GIMAP8: variants seen among roughly 807,000 people sequenced by gnomAD.
GIMAP8 encodes the protein GTPase IMAP family member 8.
A neutral mutation model predicts 35.6 loss-of-function variants in GIMAP8; 29 were observed. That is an observed-to-expected ratio of 0.81 (90% confidence interval 0.61 to 1.11). The LOEUF (loss-of-function observed/expected upper bound fraction) is 1.11. Ranked by LOEUF, GIMAP8 falls within the 50% of genes most tolerant of loss-of-function variation. The pLI is 0.00. For missense variants in GIMAP8, 811 were observed against 805.0 expected (o/e 1.01, Z -0.09); for synonymous variants, 335 against 308.7 (o/e 1.09, Z -0.89).
chr7:150,474,380 T>A lies in GIMAP8; in HGVS notation c.1051T>A (p.Phe351Ile). 6.2e-7 allele frequency: 1 copy of A among 1,614,020 alleles called. No homozygotes were observed. Among genetic ancestry groups the A allele is most frequent in the Non-Finnish European group, 8.5e-7 (1 of 1,180,010 alleles). The change falls in exon 4 of 5, where the codon TTT (phenylalanine) becomes ATT (isoleucine). Residue 351 changes from phenylalanine to isoleucine, a missense_variant. By Grantham distance (21) the Phe-to-Ile change is conservative. Coordinates refer to ENST00000307271, the MANE Select transcript of GIMAP8 (RefSeq NM_175571.4). ...AGTGCTGAGCACCATCCAAAACAAT[T>A]TTGGAGAAAAATTCTTTGAGTACAT... ...EAVLSTIQNN[F>I]GEKFFEYMII...
chr7:150,473,876 G>A (rs1563287053), intron 3 of GIMAP8, 136 bp from the exon 4 acceptor site: 1 of 856,010 alleles, frequency 1.2e-6, no homozygotes, highest in Non-Finnish European at 1.8e-6. Flanking sequence ...GCTTCTGGCT[G>A]AGAGTAGAGT....
chr7:150,455,488 G>A (rs536327657), intron 1 of GIMAP8, among the ~76,000 whole-genome samples: 2 of 152,292 alleles, frequency 1.3e-5, no homozygotes, highest in African/African-American at 4.8e-5. Context: ...AAGTCCAATG[G>A]ACAAAACAGA....
At chr7:150,456,613 T>G (rs565256678) in intron 1 of GIMAP8, among the ~76,000 whole-genome samples, 1 of 152,198 alleles carries the variant, frequency 6.6e-6, no homozygotes, top group Non-Finnish European at 1.5e-5. Context: ...CCTTTTACCA[T>G]GTAAAGTAAC....
chr7:150,453,465 C>T (rs181210942), intron 1 of GIMAP8, among the ~76,000 whole-genome samples: 2 of 152,360 alleles, frequency 1.3e-5, no homozygotes, highest in African/African-American at 4.8e-5. Context: ...TTTACTACCT[C>T]CCTGGGTCAT....
Position 150,477,388 on chromosome 7 carries a change from C to G in GIMAP8, c.1606C>G (p.Arg536Gly). Residue 536 changes from arginine (R) to glycine (G), a missense_variant, in exon 5 of 5, where the codon CGA becomes GGA. Physicochemically the swap from Arg to Gly is moderately radical, Grantham distance 125. Transcript: ENST00000307271. Reference protein sequence around the residue: ...TFFVLVFQLGRFTEEDKTAVA... With the variant: ...TFFVLVFQLGGFTEEDKTAVA... Reference sequence around the variant, plus strand: ...TTTTGTCCTGGTGTTCCAGCTGGGACGATTCACTGAAGAGGACAAAACAGC... The same window carrying G: ...TTTTGTCCTGGTGTTCCAGCTGGGAGGATTCACTGAAGAGGACAAAACAGC... The G allele has an allele frequency of 6.2e-7, 1 of 1,614,156 alleles. No individual in the cohort carries two copies.
Position 150,453,341 on chromosome 7 carries a change from C to T in GIMAP8, c.-29+2166C>T, listed in dbSNP as rs963105636. Among the ~76,000 whole-genome samples, 5 of 152,212 alleles carry T rather than the reference C, an allele frequency of 3.3e-5. No homozygotes were observed. The South Asian group carries it at 6.2e-4, about 19-fold the overall frequency. The stretch of plus-strand genomic sequence containing the variant: ...TGAGGTTCTGAGGTGTCTGAAGCTG[C>T]GGTGGGCTCTGCCCCGTGCCGTGCA... On this transcript the variant is annotated intron_variant, in intron 1 of 4. Transcript: ENST00000307271.
Position 150,451,390 on chromosome 7 carries a change from GGTTGAATGGCAGA to G in GIMAP8, c.-29+228_-29+240del, listed in dbSNP as rs1028975678. ...GAGAGGAGGCTGGGTTGAATGGCAG[GGTTGAATGGCAGA>G]GTTGAATGGCAGGGGCCCTGGGAAG... On this transcript the variant is annotated intron_variant, in intron 1 of 4. Coordinates refer to ENST00000307271, the MANE Select transcript of GIMAP8 (RefSeq NM_175571.4). The surrounding 1 kb of genome is among the most constrained non-coding windows in gnomAD (Gnocchi z 4.1). 6.9e-5 allele frequency among the ~76,000 whole-genome samples: 9 copies of G among 129,772 alleles called. No individual in the cohort carries two copies. The highest frequency in any genetic ancestry group is 3.6e-4 in the Admixed American group (4 of 11,056). 85.1% of individuals were successfully genotyped at this position (129,772 alleles called of 152,430 possible).
chr7:150,466,569 T>C (rs1030089122), intron 1 of GIMAP8, 102 bp from the exon 2 acceptor site: 8 of 986,042 alleles, frequency 8.1e-6, no homozygotes, highest in South Asian at 6.7e-5. Context: ...CTCAAATTCA[T>C]TGGCGGCAAT....
chr7:150,466,765 A>G lies in GIMAP8; in HGVS notation c.67A>G (p.Lys23Glu). Reference sequence around the variant, plus strand: ...CCTCCTGGGAAAATGCCGCTCGGGAAAAAGTGCCACAGGAAATGCCATTCT... The same window carrying G: ...CCTCCTGGGAAAATGCCGCTCGGGAGAAAGTGCCACAGGAAATGCCATTCT... ...LLLLGKCRSG[K>E]SATGNAILGK... The change falls in exon 2 of 5, where the codon AAA (lysine) becomes GAA (glutamate). Residue 23 changes from lysine to glutamate, a missense_variant. By Grantham distance (56) the Lys-to-Glu change is moderately conservative. Transcript: ENST00000307271. The G allele has an allele frequency of 6.2e-7, 1 of 1,614,220 alleles. No individual in the cohort carries two copies. The highest frequency in any genetic ancestry group is 8.5e-7 in the Non-Finnish European group (1 of 1,180,024).
At chr7:150,474,993 C>A (rs1802195179) in intron 4 of GIMAP8, among the ~76,000 whole-genome samples, 1 of 151,572 alleles carries the variant, frequency 6.6e-6, no homozygotes, top group Non-Finnish European at 1.5e-5. Flanking sequence ...TTTGTTCTTG[C>A]GATAGTTTAC....
Position 150,467,321 on chromosome 7 carries a change from G to A in GIMAP8, c.623G>A (p.Gly208Asp). The change falls in exon 2 of 5, where the codon GGC becomes GAC. Residue 208 changes from glycine to aspartate, a missense_variant. Transcript: ENST00000307271. ...TATCATGTGAACTTCAAAACTGAAGGCAGCAGGTTTCAAGTAAGAATTTTG... is the reference window on the plus strand; with the variant it reads ...TATCATGTGAACTTCAAAACTGAAGACAGCAGGTTTCAAGTAAGAATTTTG... Reference protein sequence around the residue: ...GPYHVNFKTEGSRFQDCVNEA... With the variant: ...GPYHVNFKTEDSRFQDCVNEA... The A allele has an allele frequency of 1.2e-6, 2 of 1,609,762 alleles. No individual in the cohort carries two copies. Among genetic ancestry groups the A allele is most frequent in the Non-Finnish European group, 1.7e-6 (2 of 1,176,754 alleles).
rs1317783331 is a variant in GIMAP8, at chr7:150,474,024, G to T, written c.695G>T (p.Arg232Met). Residue 232 changes from arginine to methionine, a missense_variant, in exon 4 of 5, where the codon AGG becomes ATG. By Grantham distance (91) the Arg-to-Met change is moderately conservative. Transcript: ENST00000307271. ...EGDKPQGPRE[R>M]QLQSTGPEQN... The stretch of plus-strand genomic sequence containing the variant: ...ATTTGTCCCACAGGCCCAAGGGAAA[G>T]GCAGCTGCAGTCCACAGGACCCGAG... 1.2e-6 allele frequency: 2 copies of T among 1,612,446 alleles called. No homozygotes were observed.
chr7:150,455,460 G>T lies in GIMAP8; in HGVS notation c.-29+4285G>T, dbSNP rs556508465. ...TGGCATTTAGAAATGAAGATGTTCTGGTTCAGGAATACACTAAAAGTCCAA... is the reference window on the plus strand; with the variant it reads ...TGGCATTTAGAAATGAAGATGTTCTTGTTCAGGAATACACTAAAAGTCCAA... On this transcript the variant is annotated intron_variant, in intron 1 of 4. Coordinates refer to ENST00000307271, the MANE Select transcript of GIMAP8 (RefSeq NM_175571.4). Among the ~76,000 whole-genome samples, 181 of 152,286 alleles carry T rather than the reference G, an allele frequency of 1.2e-3. 1 individual carries two copies. Among genetic ancestry groups the T allele is most frequent in the East Asian group, 2.9e-3 (15 of 5,186 alleles).
chr7:150,458,624 C>T (rs1396881843), intron 1 of GIMAP8, among the ~76,000 whole-genome samples: 3 of 152,192 alleles, frequency 2.0e-5, no homozygotes, highest in Non-Finnish European at 4.4e-5. Context: ...ATAAATGACA[C>T]TTAATCTCCC....
chr7:150,467,369 T>G, intron 2 of GIMAP8, 35 bp downstream of exon 2: 1 of 1,569,498 alleles, frequency 6.4e-7, no homozygotes, highest in Non-Finnish European at 8.7e-7. Flanking sequence ...AAGATCTCTA[T>G]GTTGCTGAAC....
At chr7:150,473,922 C>A in intron 3 of GIMAP8, 90 bp from the exon 4 acceptor site, 1 of 1,352,152 alleles carries the variant, frequency 7.4e-7, no homozygotes, top group East Asian at 2.3e-5. Flanking sequence ...ATTCTCTATA[C>A]AAGTTTGCAG....
At chr7:150,471,170 G>A (rs1802082353) in intron 3 of GIMAP8, among the ~76,000 whole-genome samples, 1 of 152,150 alleles carries the variant, frequency 6.6e-6, no homozygotes, top group African/African-American at 2.4e-5. Context: ...TTCTGGCCTT[G>A]GATCCGGCCC....
intron 2 of GIMAP8, among the ~76,000 whole-genome samples, chr7:150,469,908 T>G (rs1049474547): frequency 6.6e-6 from 1 of 152,210 alleles, no homozygotes; most frequent in African/African-American, 2.4e-5. Context: ...CTTCTACAGA[T>G]GTACAGAATG....
intron 1 of GIMAP8, among the ~76,000 whole-genome samples, chr7:150,454,143 C>T (rs1801677821): frequency 6.6e-6 from 1 of 151,746 alleles, no homozygotes; most frequent in Admixed American, 6.6e-5. Context: ...GTGACTATGG[C>T]ACACAATGTG....
Sources: gnomAD v4.1 joint callset for allele counts (sites outside exome capture counted in the v4.1 genomes callset) on GRCh38, gnomAD v4.1.1 for gene constraint, Gnocchi (gnomAD v3.1) non-coding constraint, MANE v1.5 for transcripts, NCBI Gene and HGNC (gene_info 2026-07-23, HGNC 2026-07-21) for gene names.